KCTD16: variants seen among roughly 807,000 people sequenced by gnomAD.
KCTD16 encodes the protein potassium channel tetramerization domain containing 16.
KCTD16 carries 13 observed loss-of-function variants against 33.2 expected under a neutral mutation model. The observed-to-expected ratio is 0.39, with a 90% CI of 0.25 to 0.62. The LOEUF (loss-of-function observed/expected upper bound fraction) is 0.62, where lower values mean the gene tolerates loss of function less well. Among genes scored for constraint, KCTD16 ranks in the 20% least tolerant of loss-of-function variants. The probability of loss-of-function intolerance (pLI) is 0.50; values close to 1 mark genes in which losing one functional copy is unlikely to be tolerated. For synonymous variants in KCTD16, 197 were observed against 195.3 expected (o/e 1.01, Z -0.07); for missense variants, 441 against 525.1 (o/e 0.84, Z 1.57).
At chr5:144,219,787 G>A (rs1753683799) in intron 3 of KCTD16, among the ~76,000 whole-genome samples, 1 of 151,968 alleles carries the variant, frequency 6.6e-6, no homozygotes, top group South Asian at 2.1e-4. Context: ...GCCTCCCAAA[G>A]TGTTGGGATT....
rs943697392 is a variant in KCTD16 at position 144,484,736 on chromosome 5, C to T, written c.*10622C>T. The T allele has an allele frequency of 1.3e-5, 2 of 151,982 alleles. No homozygotes were observed. The highest frequency in any genetic ancestry group is 3.9e-4 in the East Asian group (2 of 5,158). The allele number at this position is 151,982 out of a possible 1,614,324, so 9.4% of individuals were successfully genotyped here. On this transcript the variant is annotated 3_prime_UTR_variant, in exon 4 of 4. Coordinates refer to ENST00000512467, the MANE Select transcript of KCTD16 (RefSeq NM_020768.4). Reference sequence around the variant, plus strand: ...CCTTGCTCATGTTACTTTTTCCTGACGTCATTCAAGCACTTGATGACTTGG... The same window carrying T: ...CCTTGCTCATGTTACTTTTTCCTGATGTCATTCAAGCACTTGATGACTTGG...
Position 144,410,731 on chromosome 5 carries a change from G to T in KCTD16, c.833-62929G>T, listed in dbSNP as rs146784253. Among the ~76,000 whole-genome samples the T allele has an allele frequency of 8.9e-3, 1,361 of 152,264 alleles. 4 individuals carry two copies. Among genetic ancestry groups the T allele is most frequent in the Middle Eastern group, 0.017 (5 of 294 alleles). ...TGAATGATAGGCAATATACTGTTGG[G>T]AAAATAGCATTTCAGATATATATAT... is the stretch of plus-strand genomic sequence containing the variant. On this transcript the variant is annotated intron_variant, in intron 3 of 3. Transcript: ENST00000512467.
At chr5:144,283,672 G>A (rs1335163631) in intron 3 of KCTD16, among the ~76,000 whole-genome samples, 1 of 152,134 alleles carries the variant, frequency 6.6e-6, no homozygotes, top group African/African-American at 2.4e-5. Flanking sequence ...TCATAACCTA[G>A]TGATAACAAG....
intron 3 of KCTD16, among the ~76,000 whole-genome samples, chr5:144,340,240 A>C (rs1481342606): frequency 6.6e-6 from 1 of 151,832 alleles, no homozygotes; most frequent in Non-Finnish European, 1.5e-5. Flanking sequence ...GTCTCTACTA[A>C]AAATACAAAA....
chr5:144,300,461 A>T (rs1049983450), intron 3 of KCTD16, among the ~76,000 whole-genome samples: 1 of 152,158 alleles, frequency 6.6e-6, no homozygotes, highest in African/African-American at 2.4e-5. Flanking sequence ...GTCTCATGCT[A>T]TTTCACTGAG....
chr5:144,273,523 A>G lies in KCTD16; in HGVS notation c.832+65977A>G, dbSNP rs563746058. On this transcript the variant is annotated intron_variant, in intron 3 of 3. Coordinates refer to ENST00000512467, the MANE Select transcript of KCTD16 (RefSeq NM_020768.4). ...GCCTCAAAGAGACATTTGTACAACC[A>G]TGTTCATAGAAGTTATTCAAAATAG... 3.3e-5 allele frequency among the ~76,000 whole-genome samples: 5 copies of G among 152,334 alleles called. No individual in the cohort carries two copies. In the East Asian group the frequency reaches 9.6e-4, roughly 29 times the overall value.
rs553321664 is a variant in KCTD16 at position 144,339,927 on chromosome 5, A to G, written c.832+132381A>G. 2.0e-5 allele frequency among the ~76,000 whole-genome samples: 3 copies of G among 152,284 alleles called. No individual in the cohort carries two copies. In the East Asian group the frequency reaches 5.8e-4, roughly 29 times the overall value. Reference sequence around the variant, plus strand: ...AATACTTGCCCCTCTCTCAATAGTGAGTAATATAGTGCTTGTCACTGCTGC... The same window carrying G: ...AATACTTGCCCCTCTCTCAATAGTGGGTAATATAGTGCTTGTCACTGCTGC... On this transcript the variant is annotated intron_variant, in intron 3 of 3. Transcript: ENST00000512467.
In KCTD16 at chr5:144,174,371, G is replaced by T. The variant is rs556412597; in HGVS notation, c.-428G>T. 1 of 152,090 alleles carries T rather than the reference G, an allele frequency of 6.6e-6. No individual in the cohort carries two copies. The highest frequency in any genetic ancestry group is 1.5e-5 in the Non-Finnish European group (1 of 68,034). The allele number at this position is 152,090 out of a possible 1,614,324, so 9.4% of individuals were successfully genotyped here. A position where few individuals can be genotyped will look rare whatever the true frequency, so the allele number is the denominator to read the frequency against. The stretch of plus-strand genomic sequence containing the variant: ...TGAACATGGGCAGTTTTCTCCTACC[G>T]TCAGCTATATCCACAAGCATCACAT... On this transcript the variant is annotated 5_prime_UTR_variant, in exon 2 of 4. Coordinates refer to ENST00000512467, the MANE Select transcript of KCTD16 (RefSeq NM_020768.4).
chr5:144,174,017 G>A (rs965027458), intron 1 of KCTD16, among the ~76,000 whole-genome samples: 2 of 151,690 alleles, frequency 1.3e-5, no homozygotes, highest in Non-Finnish European at 2.9e-5. Flanking sequence ...TCACCCAGCT[G>A]GCTTTATTAG....
intron 2 of KCTD16, among the ~76,000 whole-genome samples, chr5:144,192,494 A>G (rs1752862535): frequency 6.6e-6 from 1 of 152,214 alleles, no homozygotes; most frequent in African/African-American, 2.4e-5. Flanking sequence ...GAATAAAGCG[A>G]AGGATTGTAA....
chr5:144,379,550 T>C (rs1249477617), intron 3 of KCTD16, among the ~76,000 whole-genome samples: 9 of 152,146 alleles, frequency 5.9e-5, no homozygotes, highest in Non-Finnish European at 1.2e-4. Context: ...TTTGGGAGCT[T>C]GGGGGCATGT....
chr5:144,308,653 C>G (rs1361355984), intron 3 of KCTD16, among the ~76,000 whole-genome samples: 1 of 151,606 alleles, frequency 6.6e-6, no homozygotes, highest in Non-Finnish European at 1.5e-5. Context: ...GTATTGATAT[C>G]TATATATCTG....
rs541606123 is a variant in KCTD16 at position 144,233,293 on chromosome 5, T to C, written c.832+25747T>C. Among the ~76,000 whole-genome samples, 7 of 152,264 alleles carry C rather than the reference T, an allele frequency of 4.6e-5. No individual in the cohort carries two copies. The South Asian group carries it at 1.2e-3, about 27-fold the overall frequency. On this transcript the variant is annotated intron_variant, in intron 3 of 3. Coordinates refer to ENST00000512467, the MANE Select transcript of KCTD16 (RefSeq NM_020768.4). ...GCTGAGATGAAGGCTGTGATCCTTG[T>C]CATTTCCTTTAATACCAGGAGAAAT...
chr5:144,349,294 T>C (rs1033219815), intron 3 of KCTD16, among the ~76,000 whole-genome samples: 2 of 152,186 alleles, frequency 1.3e-5, no homozygotes, highest in Admixed American at 1.3e-4. Flanking sequence ...AGTCTGACTC[T>C]ACCCCTTTGC....
At chr5:144,295,439 A>T (rs1489844984) in intron 3 of KCTD16, among the ~76,000 whole-genome samples, 1 of 152,258 alleles carries the variant, frequency 6.6e-6, no homozygotes, top group African/African-American at 2.4e-5. Flanking sequence ...GAAGAAATCA[A>T]GCAAGGGTGA....
At chr5:144,349,433 A>G (rs1036955772) in intron 3 of KCTD16, among the ~76,000 whole-genome samples, 5 of 152,214 alleles carry the variant, frequency 3.3e-5, no homozygotes, top group African/African-American at 1.2e-4. Flanking sequence ...GGCAGCTATG[A>G]TTTTTATCAT....
intron 3 of KCTD16, among the ~76,000 whole-genome samples, chr5:144,212,842 G>A (rs1753439817): frequency 6.6e-6 from 1 of 152,016 alleles, no homozygotes; most frequent in African/African-American, 2.4e-5. Flanking sequence ...ATGGCATAAT[G>A]AACTTTCATG....
At chr5:144,256,063 C>T (rs1754837521) in intron 3 of KCTD16, among the ~76,000 whole-genome samples, 1 of 152,146 alleles carries the variant, frequency 6.6e-6, no homozygotes, top group African/African-American at 2.4e-5. Context: ...TACCAGGATG[C>T]TTTCAAGTCT....
At chr5:144,447,174 T>C (rs149247494) in intron 3 of KCTD16, among the ~76,000 whole-genome samples, 4,904 of 152,226 alleles carry the variant, frequency 0.032, 233 homozygotes, top group African/African-American at 0.11. Context: ...CCATCAATGT[T>C]AGACTGGATA....
Sources: gnomAD v4.1 joint callset for allele counts (sites outside exome capture counted in the v4.1 genomes callset) on GRCh38, gnomAD v4.1.1 for gene constraint, MANE v1.5 for transcripts, NCBI Gene and HGNC (gene_info 2026-07-23, HGNC 2026-07-21) for gene names.